The following MBD5 variants were observed in gnomAD, a reference collection of about 807,000 sequenced individuals.
MBD5 encodes methyl-CpG binding domain protein 5, also known as methyl-CpG-binding domain protein 5.
A neutral mutation model predicts 117.3 loss-of-function variants in MBD5; 13 were observed. The observed-to-expected ratio is 0.11, with a 90% CI of 0.07 to 0.18. The LOEUF (loss-of-function observed/expected upper bound fraction) is 0.18, where lower values mean the gene tolerates loss of function less well. Ranked by LOEUF, MBD5 falls within the 10% of genes least tolerant of loss-of-function variation. The probability of loss-of-function intolerance (pLI) is 1.00; values close to 1 mark genes in which losing one functional copy is unlikely to be tolerated. For missense variants in MBD5, 1,879 were observed against 2,093.8 expected (o/e 0.90, Z 2.00); for synonymous variants, 727 against 766.4 (o/e 0.95, Z 0.85).
chr2:148,296,283 AC>A lies in MBD5; in HGVS notation c.-679-45928del, dbSNP rs1461865377. The A allele has an allele frequency of 3.4e-5, 6 of 176,214 alleles. No individual in the cohort carries two copies. The South Asian group carries it at 7.2e-4, about 21-fold the overall frequency. 10.9% of individuals were successfully genotyped at this position (176,214 alleles called of 1,614,324 possible). ...ATTGTATTTAGTAGGTAATTTAAGA[AC>A]CCATGGGTATCTTGTTGCATGCAGA... On this transcript the variant is annotated intron_variant, in intron 3 of 13. Transcript: ENST00000642680.
At chr2:148,176,941 C>T (rs150484153) in intron 1 of MBD5, among the ~76,000 whole-genome samples, 1 of 151,310 alleles carries the variant, frequency 6.6e-6, no homozygotes, top group Non-Finnish European at 1.5e-5. Flanking sequence ...GTGAGGTTTT[C>T]AGTAAAATTT....
chr2:148,115,609 T>C (rs1696617480), intron 1 of MBD5, among the ~76,000 whole-genome samples: 1 of 152,190 alleles, frequency 6.6e-6, no homozygotes, highest in Non-Finnish European at 1.5e-5. Flanking sequence ...TGTTTTTTAT[T>C]GATTATAGGA....
chr2:148,386,191 A>G (rs1704355419), intron 4 of MBD5, among the ~76,000 whole-genome samples: 1 of 152,176 alleles, frequency 6.6e-6, no homozygotes. Flanking sequence ...AATGAACAAA[A>G]GCTTTTAAAA....
intron 3 of MBD5, among the ~76,000 whole-genome samples, chr2:148,341,356 C>G (rs989811133): frequency 1.3e-5 from 2 of 149,684 alleles, no homozygotes; most frequent in African/African-American, 4.9e-5. Context: ...TTCTTGTTCT[C>G]TTTTTGAGAT....
rs73965443 is a variant in MBD5 at position 148,500,862 on chromosome 2, A to G, written c.4963-1574A>G. Among the ~76,000 whole-genome samples the G allele has an allele frequency of 1.6e-3, 249 of 152,368 alleles. 2 individuals carry two copies. Among genetic ancestry groups the G allele is most frequent in the African/African-American group, 5.9e-3 (245 of 41,588 alleles). ...TCCCCTTCATGTGAGTGAATACAAG[A>G]TGGAGGCTCATTTCTAACATGAAAT... On this transcript the variant is annotated intron_variant, in intron 11 of 13. Transcript: ENST00000642680.
chr2:148,330,049 CCCACA>C (rs138358364), intron 3 of MBD5, among the ~76,000 whole-genome samples: 2 of 45,896 alleles, frequency 4.4e-5, no homozygotes, highest in Admixed American at 2.6e-4. Context: ...CCCCGCCCCC[CCCACA>C]CACACACACA....
chr2:148,506,066 G>T (rs1472842905), intron 12 of MBD5, among the ~76,000 whole-genome samples: 3 of 152,100 alleles, frequency 2.0e-5, no homozygotes, highest in African/African-American at 7.2e-5. Flanking sequence ...TGTTATTTTT[G>T]CCAGTTGAAA....
At chr2:148,155,018 TAAAG>T (rs562181869) in intron 1 of MBD5, among the ~76,000 whole-genome samples, 90 of 152,318 alleles carry the variant, frequency 5.9e-4, no homozygotes, top group African/African-American at 2.1e-3. Context: ...AATAGTGATA[TAAAG>T]AAACAAACAA....
At position 148,136,642 on chromosome 2, in the gene MBD5, G is replaced by A. The variant is rs115477707; in HGVS notation, c.-924-42058G>A. 8.0e-3 allele frequency among the ~76,000 whole-genome samples: 1,212 copies of A among 152,230 alleles called. 22 individuals carry two copies. Among genetic ancestry groups the A allele is most frequent in the Non-Finnish European group, 7.5e-3 (507 of 68,036 alleles). The stretch of plus-strand genomic sequence containing the variant: ...AGTTATTAGGTCAATAAAGTTACTT[G>A]GCTAACATGTGAAGTTTCATCAGTT... On this transcript the variant is annotated intron_variant, in intron 1 of 13. Coordinates refer to ENST00000642680, the MANE Select transcript of MBD5 (RefSeq NM_001378120.1).
At chr2:148,379,007 G>A (rs994302734) in intron 4 of MBD5, among the ~76,000 whole-genome samples, 24 of 151,932 alleles carry the variant, frequency 1.6e-4, no homozygotes, top group African/African-American at 5.6e-4. Context: ...TATATGAAAG[G>A]TAGAGATTTG....
At chr2:148,374,226 AAT>A (rs914187832) in intron 4 of MBD5, among the ~76,000 whole-genome samples, 11 of 145,920 alleles carry the variant, frequency 7.5e-5, no homozygotes, top group African/African-American at 2.9e-4. Flanking sequence ...TTCCAAACTA[AAT>A]ATGTTTATGC....
At position 148,258,291 on chromosome 2, in the gene MBD5, C is replaced by T. The variant is rs189097849; in HGVS notation, c.-680+24896C>T. On this transcript the variant is annotated intron_variant, in intron 3 of 13. Transcript: ENST00000642680. The stretch of plus-strand genomic sequence containing the variant: ...GGGAGAAACACACACAGTATATAAA[C>T]GGGGAGTCAAACAACGGATGCCAAG... Among the ~76,000 whole-genome samples the T allele has an allele frequency of 2.7e-3, 408 of 152,242 alleles. 5 individuals are homozygous for T. Among genetic ancestry groups the T allele is most frequent in the Middle Eastern group, 6.8e-3 (2 of 294 alleles).
intron 1 of MBD5, among the ~76,000 whole-genome samples, chr2:148,030,592 A>G (rs1320187305): frequency 3.3e-5 from 5 of 152,178 alleles, no homozygotes; most frequent in Non-Finnish European, 7.4e-5. Flanking sequence ...AAAATCTGGA[A>G]GATAGGTATC....
At chr2:148,408,062 T>A (rs1307161744) in intron 4 of MBD5, among the ~76,000 whole-genome samples, 1 of 152,120 alleles carries the variant, frequency 6.6e-6, no homozygotes, top group Admixed American at 6.5e-5. Context: ...CTCATCAGTA[T>A]TCATCTTGAG....
intron 11 of MBD5, among the ~76,000 whole-genome samples, chr2:148,500,030 C>T (rs1020896352): frequency 5.9e-5 from 9 of 152,050 alleles, no homozygotes; most frequent in South Asian, 2.1e-4. Context: ...CTTTCTTTTT[C>T]GAGGTCATTT....
Position 148,227,404 on chromosome 2 carries a change from G to T in MBD5, c.-830-5841G>T, listed in dbSNP as rs538920603. On this transcript the variant is annotated intron_variant, in intron 2 of 13. Transcript: ENST00000642680. Reference sequence around the variant, plus strand: ...CCCATTGCTTGTTTTTCTCAGGTTTGTCAAAGATCAGGTAGTTGTAGATAC... The same window carrying T: ...CCCATTGCTTGTTTTTCTCAGGTTTTTCAAAGATCAGGTAGTTGTAGATAC... Among the ~76,000 whole-genome samples the T allele has an allele frequency of 1.1e-3, 166 of 152,290 alleles. 1 individual carries two copies. The South Asian group carries it at 0.015, about 14-fold the overall frequency.
intron 8 of MBD5, among the ~76,000 whole-genome samples, chr2:148,479,981 A>T (rs1326667788): frequency 6.6e-6 from 1 of 152,072 alleles, no homozygotes; most frequent in African/African-American, 2.4e-5. Flanking sequence ...GAAGAAAAAG[A>T]CAGAGAGATT....
At chr2:148,407,116 T>C (rs1427502597) in intron 4 of MBD5, among the ~76,000 whole-genome samples, 2 of 152,212 alleles carry the variant, frequency 1.3e-5, no homozygotes, top group Non-Finnish European at 2.9e-5. Context: ...ATTTAGGTGT[T>C]GAAAATCCTC....
intron 1 of MBD5, among the ~76,000 whole-genome samples, chr2:148,115,007 A>G (rs1696597181): frequency 6.6e-6 from 1 of 152,136 alleles, no homozygotes; most frequent in Non-Finnish European, 1.5e-5. Flanking sequence ...TGTATAAAGT[A>G]TCTGCATATA....
Sources: allele counts gnomAD v4.1 joint callset (sites outside exome capture counted in the v4.1 genomes callset), GRCh38; gene constraint gnomAD v4.1.1; transcripts MANE v1.5; gene names NCBI Gene and HGNC (gene_info 2026-07-23, HGNC 2026-07-21).